The following DGKH variants were observed in gnomAD, a reference collection of about 807,000 sequenced individuals.
DGKH encodes DAG kinase eta.
A neutral mutation model predicts 159.3 loss-of-function variants in DGKH; 90 were observed. That is an observed-to-expected ratio of 0.57 (90% CI 0.48 to 0.67). DGKH has a LOEUF of 0.67. Among genes scored for constraint, DGKH ranks in the 30% least tolerant of loss-of-function variants. The probability of loss-of-function intolerance (pLI) is 0.00; values close to 1 mark genes in which losing one functional copy is unlikely to be tolerated. For synonymous variants in DGKH, 536 were observed against 553.8 expected (o/e 0.97, Z 0.45); for missense variants, 1,181 against 1,506.1 (o/e 0.78, Z 3.57).
chr13:42,131,954 A>T (rs1955298978), intron 3 of DGKH, among the ~76,000 whole-genome samples: 1 of 152,170 alleles, frequency 6.6e-6, no homozygotes, highest in African/African-American at 2.4e-5. Context: ...AACCTTGCTT[A>T]TTCCTTCTTT....
intron 1 of DGKH, chr13:42,070,399 AG>A (rs1016285821): frequency 7.2e-7 from 1 of 1,397,926 alleles, no homozygotes; most frequent in African/African-American, 1.4e-5. Context: ...ACCTGCAAAA[AG>A]GGTTTTACAA....
intron 15 of DGKH, among the ~76,000 whole-genome samples, chr13:42,190,038 C>A (rs1182698172): frequency 1.3e-5 from 2 of 152,064 alleles, no homozygotes; most frequent in Non-Finnish European, 2.9e-5. Flanking sequence ...AAAAGCTCTG[C>A]CTTGTTTTAA....
chr13:42,202,972 A>G (rs1309776943), intron 20 of DGKH, among the ~76,000 whole-genome samples: 2 of 152,246 alleles, frequency 1.3e-5, no homozygotes, highest in Admixed American at 6.5e-5. Context: ...GAAGAAAAAC[A>G]AATAACTTTA....
At chr13:42,051,148 A>T (rs966104329) in intron 1 of DGKH, among the ~76,000 whole-genome samples, 4 of 152,248 alleles carry the variant, frequency 2.6e-5, no homozygotes, top group Non-Finnish European at 5.9e-5. Flanking sequence ...TGACTTTCTA[A>T]TAAAAACATT....
intron 20 of DGKH, among the ~76,000 whole-genome samples, chr13:42,201,250 C>T (rs1463221509): frequency 2.0e-5 from 3 of 152,166 alleles, no homozygotes; most frequent in East Asian, 3.8e-4. Flanking sequence ...CTCGGCCTTC[C>T]AAAGTGCTGG....
intron 3 of DGKH, among the ~76,000 whole-genome samples, chr13:42,149,386 A>G (rs1485710944): frequency 6.6e-6 from 1 of 152,198 alleles, no homozygotes; most frequent in African/African-American, 2.4e-5. Context: ...AGCCATGCCA[A>G]GTGGTTTAGA....
At chr13:42,227,801 A>T (rs1958172248) in intron 29 of DGKH, among the ~76,000 whole-genome samples, 1 of 152,220 alleles carries the variant, frequency 6.6e-6, no homozygotes, top group African/African-American at 2.4e-5. Context: ...GAGCTCTTAA[A>T]GGGTAAACGA....
At chr13:42,054,567 G>C (rs563687838) in intron 1 of DGKH, among the ~76,000 whole-genome samples, 1 of 152,326 alleles carries the variant, frequency 6.6e-6, no homozygotes, top group African/African-American at 2.4e-5. Flanking sequence ...TTAACTCAGA[G>C]AATGGAGGTT....
At chr13:42,081,318 C>T (rs1399988779) in intron 1 of DGKH, among the ~76,000 whole-genome samples, 1 of 152,010 alleles carries the variant, frequency 6.6e-6, no homozygotes, top group Non-Finnish European at 1.5e-5. Flanking sequence ...CAACTTCTAC[C>T]TCCTGGGTTC....
At chr13:42,058,902 C>A (rs928963146) in intron 1 of DGKH, among the ~76,000 whole-genome samples, 1 of 152,124 alleles carries the variant, frequency 6.6e-6, no homozygotes, top group Non-Finnish European at 1.5e-5. Context: ...CCCTGAATCC[C>A]ATTAGCCACA....
At chr13:42,187,565 G>A (rs560569397) in intron 14 of DGKH, among the ~76,000 whole-genome samples, 6 of 152,064 alleles carry the variant, frequency 3.9e-5, no homozygotes, top group South Asian at 4.1e-4. Flanking sequence ...TAGTAGAGAC[G>A]GGGTTTCACC....
intron 1 of DGKH, among the ~76,000 whole-genome samples, chr13:42,119,485 A>G (rs931425648): frequency 1.3e-5 from 2 of 152,186 alleles, no homozygotes; most frequent in African/African-American, 4.8e-5. Context: ...ATAAGTCTTC[A>G]GTTCTGAACA....
intron 11 of DGKH, among the ~76,000 whole-genome samples, chr13:42,172,863 C>T (rs182694780): frequency 2.0e-5 from 3 of 151,752 alleles, no homozygotes; most frequent in East Asian, 1.9e-4. Flanking sequence ...TTAGTAGAGA[C>T]GGGGTTTCAC....
chr13:42,180,660 C>A (rs1174616246), intron 13 of DGKH, among the ~76,000 whole-genome samples: 1 of 152,158 alleles, frequency 6.6e-6, no homozygotes, highest in African/African-American at 2.4e-5. Context: ...GCTTGCCTGC[C>A]CTTAAGCAGA....
rs117169082 is a variant in DGKH, at chr13:42,187,554, C to A, written c.1638+406C>A. On this transcript the variant is annotated intron_variant, in intron 14 of 29. Coordinates refer to ENST00000337343, the MANE Select transcript of DGKH (RefSeq NM_178009.5). Reference sequence around the variant, plus strand: ...CCACACTCAAATAATTTTTGTATTTCTAGTAGAGACGGGGTTTCACCATGT... The same window carrying A: ...CCACACTCAAATAATTTTTGTATTTATAGTAGAGACGGGGTTTCACCATGT... 6.8e-3 allele frequency among the ~76,000 whole-genome samples: 1,038 copies of A among 152,128 alleles called. 7 individuals are homozygous for A. Among genetic ancestry groups the A allele is most frequent in the Middle Eastern group, 0.014 (4 of 292 alleles).
rs756865794 is a variant in DGKH at position 42,159,901 on chromosome 13, A to G, written c.730-110A>G. 6.6e-6 allele frequency: 10 copies of G among 1,503,840 alleles called. No homozygotes were observed. In the East Asian group the frequency reaches 6.9e-5, roughly 10 times the overall value. 93.2% of individuals were successfully genotyped at this position (1,503,840 alleles called of 1,614,324 possible). A position where few individuals can be genotyped will look rare whatever the true frequency, so the allele number is the denominator to read the frequency against. ...TGGGGTAAATGAGTGAATGCTATGC[A>G]TGAAACGTACTACTGACCCTCTAGA... On this transcript the variant is annotated intron_variant, in intron 6 of 29. Coordinates refer to ENST00000337343, the MANE Select transcript of DGKH (RefSeq NM_178009.5).
At chr13:42,250,480 C>G (rs1400889547) in intron 29 of DGKH, among the ~76,000 whole-genome samples, 2 of 151,794 alleles carry the variant, frequency 1.3e-5, no homozygotes, top group Non-Finnish European at 2.9e-5. Context: ...TATCACCAGC[C>G]CCTATTTTAC....
intron 16 of DGKH, among the ~76,000 whole-genome samples, chr13:42,193,213 G>A (rs1386113092): frequency 6.6e-6 from 1 of 152,200 alleles, no homozygotes; most frequent in Non-Finnish European, 1.5e-5. Context: ...GATGATGGCT[G>A]TTAGGAGGAT....
chr13:42,062,889 G>C (rs1269166385), intron 1 of DGKH, among the ~76,000 whole-genome samples: 1 of 151,756 alleles, frequency 6.6e-6, no homozygotes, highest in African/African-American at 2.4e-5. Flanking sequence ...GGTTATCTGC[G>C]TTTTTATTTA....
Sources: gnomAD v4.1 joint callset for allele counts (sites outside exome capture counted in the v4.1 genomes callset) on GRCh38, gnomAD v4.1.1 for gene constraint, MANE v1.5 for transcripts, NCBI Gene and HGNC (gene_info 2026-07-23, HGNC 2026-07-21) for gene names.